The following DDX60 variants were observed in gnomAD, a reference collection of about 807,000 sequenced individuals.
DDX60 encodes the protein probable ATP-dependent RNA helicase DDX60.
Under a neutral mutation model 212.8 loss-of-function variants are expected in DDX60, and 165 were observed. That is an observed-to-expected ratio of 0.78 (90% CI 0.68 to 0.88). The LOEUF (loss-of-function observed/expected upper bound fraction) is 0.88, where lower values mean the gene tolerates loss of function less well. Among genes scored for constraint, DDX60 ranks in the 40% least tolerant of loss-of-function variants. The pLI is 0.00. For missense variants in DDX60, 1,905 were observed against 2,003.9 expected, an observed-to-expected ratio of 0.95 and a Z score of 0.94; for synonymous variants, 703 against 685.3, an observed-to-expected ratio of 1.03 and a Z score of -0.40.
intron 30 of DDX60, among the ~76,000 whole-genome samples, chr4:168,239,076 C>G (rs1472077922): frequency 6.6e-6 from 1 of 152,060 alleles, no homozygotes; most frequent in Non-Finnish European, 1.5e-5. Context: ...CACAATAGAT[C>G]AAATCTTCTT....
chr4:168,302,016 G>A (rs1235865446), intron 6 of DDX60, among the ~76,000 whole-genome samples: 5 of 152,226 alleles, frequency 3.3e-5, no homozygotes, highest in African/African-American at 9.6e-5. Flanking sequence ...ACACTCAAAA[G>A]TGTGACTGAC....
Position 168,225,544 on chromosome 4 carries a change from G to A in DDX60, c.4666C>T (p.Pro1556Ser). ...LADMNQEYQL[P>S]LSKIKFTGKE... ...ATATACTTACTGATTTTTGACAATGGGAGTTGATATTCCTGATTCATATCA... is the reference window on the plus strand; with the variant it reads ...ATATACTTACTGATTTTTGACAATGAGAGTTGATATTCCTGATTCATATCA... Residue 1556 changes from proline (P) to serine (S), a missense_variant, in exon 34 of 38, where the codon CCA becomes TCA. By Grantham distance (74) the Pro-to-Ser change is moderately conservative. Transcript: ENST00000393743. The A allele has an allele frequency of 6.2e-7, 1 of 1,604,746 alleles. No homozygotes were observed. Among genetic ancestry groups the A allele is most frequent in the Non-Finnish European group, 8.5e-7 (1 of 1,176,984 alleles).
intron 30 of DDX60, among the ~76,000 whole-genome samples, chr4:168,243,595 AAGAAACAAC>A (rs1259376579): frequency 1.3e-5 from 2 of 152,204 alleles, no homozygotes; most frequent in Non-Finnish European, 2.9e-5. Context: ...TTAAAAAGTC[AAGAAACAAC>A]AGATGCTGGT....
At chr4:168,306,007 G>T (rs1560877935) in intron 5 of DDX60, among the ~76,000 whole-genome samples, 1 of 152,062 alleles carries the variant, frequency 6.6e-6, no homozygotes, top group Admixed American at 6.5e-5. Flanking sequence ...GGACACAGGG[G>T]CTTGAGTCCA....
chr4:168,306,366 G>T lies in DDX60; in HGVS notation c.606+13C>A. 6.4e-7 allele frequency: 1 copy of T among 1,563,786 alleles called. No individual in the cohort carries two copies. Among genetic ancestry groups the T allele is most frequent in the Non-Finnish European group, 8.7e-7 (1 of 1,153,876 alleles). ...AAATTTCTAGAAGAAATTGTCTTTT[G>T]GATGTGAATTACCTTCCAGGAAAAA... On this transcript the variant is annotated intron_variant, in intron 5 of 37. Transcript: ENST00000393743.
At position 168,306,466 on chromosome 4, in the gene DDX60, T is replaced by C. The variant is rs1273690297; in HGVS notation, c.519A>G (p.Val173=). The change falls in exon 5 of 38, where the codon GTA becomes GTG. Residue 173 remains valine, a synonymous_variant. Transcript: ENST00000393743. ...CATCAGATTCTTGCCCTGAGGAAAG[T>C]ACAACGTTGACCTTCCTTGCCCAAG... The part of the protein sequence containing the change: ...IHSWARKVNV[V]LSSGQESDVL... 1.2e-6 allele frequency: 2 copies of C among 1,614,152 alleles called. No homozygotes were observed. The highest frequency in any genetic ancestry group is 1.3e-5 in the African/African-American group (1 of 75,058).
At chr4:168,225,066 A>G (rs765150482) in intron 34 of DDX60, among the ~76,000 whole-genome samples, 5 of 152,070 alleles carry the variant, frequency 3.3e-5, no homozygotes, top group African/African-American at 4.8e-5. Flanking sequence ...TACGTAGATA[A>G]TGCTATTCCC....
intron 28 of DDX60, among the ~76,000 whole-genome samples, chr4:168,249,766 T>C (rs750013917): frequency 1.3e-5 from 2 of 152,198 alleles, no homozygotes; most frequent in South Asian, 4.1e-4. Context: ...CATAATTTGT[T>C]ATTAGTTAAG....
chr4:168,230,770 C>T (rs1175600936), intron 33 of DDX60, among the ~76,000 whole-genome samples: 2 of 151,922 alleles, frequency 1.3e-5, no homozygotes, highest in Non-Finnish European at 2.9e-5. Flanking sequence ...TAAGGTCACC[C>T]CTCAAGGAAC....
chr4:168,237,403 G>T lies in DDX60; in HGVS notation c.4294C>A (p.Pro1432Thr), dbSNP rs753708323. 2.5e-6 allele frequency: 4 copies of T among 1,582,910 alleles called. No homozygotes were observed. In the South Asian group the frequency reaches 3.6e-5, roughly 14 times the overall value. The change falls in exon 32 of 38, where the codon CCT (proline) becomes ACT (threonine). Residue 1432 changes from proline to threonine, a missense_variant. Pro to Thr is a conservative substitution (Grantham distance 38). Coordinates refer to ENST00000393743, the MANE Select transcript of DDX60 (RefSeq NM_017631.6). Reference protein sequence around the residue: ...KEGYLDQEGNPMGFAGLVSHL... With the variant: ...KEGYLDQEGNTMGFAGLVSHL... ...GATACAAGTCCAGCAAACCCCATAG[G>T]ATTACCTTCTTGATCTAAATAGCCC... is the stretch of plus-strand genomic sequence containing the variant.
rs1164002361 is a variant in DDX60 at position 168,306,428 on chromosome 4, T to G, written c.557A>C (p.Tyr186Ser). The G allele has an allele frequency of 1.2e-6, 2 of 1,613,964 alleles. No homozygotes were observed. Among genetic ancestry groups the G allele is most frequent in the Non-Finnish European group, 1.7e-6 (2 of 1,179,988 alleles). The change falls in exon 5 of 38, where the codon TAT (tyrosine) becomes TCT (serine). Residue 186 changes from tyrosine (Y) to serine (S), a missense_variant. Physicochemically the swap from Tyr to Ser is moderately radical, Grantham distance 144 (BLOSUM62 -2). Coordinates refer to ENST00000393743, the MANE Select transcript of DDX60 (RefSeq NM_017631.6). ...SGQESDVLCL[Y>S]AYLLPSMYRH... is the part of the protein sequence containing the mutation. ...GTACATGCTTGGAAGAAGGTATGCATAAAGGCAAAGAACATCAGATTCTTG... is the reference window on the plus strand; with the variant it reads ...GTACATGCTTGGAAGAAGGTATGCAGAAAGGCAAAGAACATCAGATTCTTG...
chr4:168,283,479 C>A lies in DDX60; in HGVS notation c.1689G>T (p.Lys563Asn). The change falls in exon 13 of 38, where the codon AAG becomes AAT. Residue 563 changes from lysine to asparagine, a missense_variant. Coordinates refer to ENST00000393743, the MANE Select transcript of DDX60 (RefSeq NM_017631.6). Reference sequence around the variant, plus strand: ...TTTTGCTCTTGGGCCCACTAAAATCCTTCTTTGACTTAATAGTTTGAGTCA... The same window carrying A: ...TTTTGCTCTTGGGCCCACTAAAATCATTCTTTGACTTAATAGTTTGAGTCA... ...IIVTQTIKSK[K>N]DFSGPKSKKA... The A allele has an allele frequency of 1.2e-6, 2 of 1,613,380 alleles. No homozygotes were observed. Among genetic ancestry groups the A allele is most frequent in the Non-Finnish European group, 1.7e-6 (2 of 1,179,660 alleles).
intron 26 of DDX60, among the ~76,000 whole-genome samples, chr4:168,254,902 G>T (rs377211759): frequency 7.9e-5 from 12 of 152,130 alleles, no homozygotes; most frequent in Admixed American, 5.2e-4. Flanking sequence ...GAGACTGATC[G>T]AGTTAAGGCA....
intron 16 of DDX60, among the ~76,000 whole-genome samples, chr4:168,274,896 T>C (rs552349678): frequency 1.3e-5 from 2 of 152,342 alleles, no homozygotes; most frequent in South Asian, 4.1e-4. Context: ...CTTCTAAATT[T>C]TATATCCCTC....
intron 37 of DDX60, among the ~76,000 whole-genome samples, chr4:168,218,222 T>C (rs1732920076): frequency 1.3e-5 from 2 of 152,206 alleles, no homozygotes; most frequent in Admixed American, 1.3e-4. Context: ...TACAGACTTA[T>C]CATTGTGACT....
At chr4:168,306,795 A>C in intron 4 of DDX60, 75 bp from the exon 5 acceptor site, 1 of 1,083,142 alleles carries the variant, frequency 9.2e-7, no homozygotes, top group Non-Finnish European at 1.3e-6. Flanking sequence ...CACATCATTA[A>C]AGGCACTGAA....
chr4:168,265,138 A>G (rs1734787486), intron 22 of DDX60, among the ~76,000 whole-genome samples: 2 of 152,202 alleles, frequency 1.3e-5, no homozygotes, highest in Admixed American at 1.3e-4. Flanking sequence ...AGCCAGAAAC[A>G]AGCCATGTAT....
At chr4:168,271,057 T>C (rs1164586833) in intron 19 of DDX60, among the ~76,000 whole-genome samples, 1 of 151,950 alleles carries the variant, frequency 6.6e-6, no homozygotes, top group Non-Finnish European at 1.5e-5. Flanking sequence ...TTTGTATTTT[T>C]AGTAGAGATG....
chr4:168,301,762 C>T (rs1448319598), intron 6 of DDX60, among the ~76,000 whole-genome samples: 1 of 152,128 alleles, frequency 6.6e-6, no homozygotes, highest in Non-Finnish European at 1.5e-5. Context: ...TCTGCATAGT[C>T]ACAAAGCATG....
Sources: allele counts gnomAD v4.1 joint callset (sites outside exome capture counted in the v4.1 genomes callset), GRCh38; gene constraint gnomAD v4.1.1; transcripts MANE v1.5; gene names NCBI Gene and HGNC (gene_info 2026-07-23, HGNC 2026-07-21).